Variants in PREPL observed in about 807,000 individuals in gnomAD.
PREPL encodes prolyl endopeptidase like.
A neutral mutation model predicts 70.6 loss-of-function variants in PREPL; 77 were observed. The observed-to-expected ratio is 1.09, with a 90% CI of 0.91 to 1.32. The LOEUF (loss-of-function observed/expected upper bound fraction) is 1.32. PREPL is among the 40% of genes most tolerant of loss of function. The pLI is 0.00. For missense variants in PREPL, 1,002 were observed against 778.2 expected, an observed-to-expected ratio of 1.29 and a Z score of -3.42; for synonymous variants, 315 against 264.8, an observed-to-expected ratio of 1.19 and a Z score of -1.84.
At chr2:44,360,720 T>G (rs1677653339) in intron 1 of PREPL, 1 of 152,200 alleles carries the variant, frequency 6.6e-6, no homozygotes, top group South Asian at 2.1e-4. Context: ...GGGTTGTTGT[T>G]GTAAAGACAA....
chr2:44,320,613 C>A lies in PREPL; in HGVS notation c.*743G>T, dbSNP rs756083951. On this transcript the variant is annotated 3_prime_UTR_variant, in exon 14 of 14. Coordinates refer to ENST00000409411, the MANE Select transcript of PREPL (RefSeq NM_001171613.2). ...CAATCGAGCATGCTATTCCAGTGTA[C>A]TGAACATACTGTATACCTCGTGTTA... 6.8e-6 allele frequency: 11 copies of A among 1,613,710 alleles called. No individual in the cohort carries two copies. Among genetic ancestry groups the A allele is most frequent in the Non-Finnish European group, 8.5e-6 (10 of 1,179,820 alleles).
intron 1 of PREPL, among the ~76,000 whole-genome samples, chr2:44,350,507 A>T (rs1460072829): frequency 6.7e-6 from 1 of 150,144 alleles, no homozygotes; most frequent in African/African-American, 2.5e-5. Context: ...CCTGAAATTA[A>T]TTCATATTAG....
At chr2:44,342,218 G>T (rs1008393082) in intron 5 of PREPL, among the ~76,000 whole-genome samples, 199 bp downstream of exon 5, 1 of 152,056 alleles carries the variant, frequency 6.6e-6, no homozygotes, top group East Asian at 1.9e-4. Context: ...AAATATTAGT[G>T]ATATATCTGT....
intron 1 of PREPL, among the ~76,000 whole-genome samples, chr2:44,349,829 T>C (rs888920066): frequency 2.6e-5 from 4 of 152,120 alleles, no homozygotes; most frequent in African/African-American, 9.7e-5. Context: ...CAATAAGCTT[T>C]ATGTGAATCT....
intron 8 of PREPL, among the ~76,000 whole-genome samples, chr2:44,331,419 T>C (rs923594947): frequency 6.6e-6 from 1 of 152,228 alleles, no homozygotes; most frequent in Non-Finnish European, 1.5e-5. Flanking sequence ...TTTCACCATA[T>C]TGGCCAGGCT....
Position 44,359,673 on chromosome 2 carries a change from T to C in PREPL, c.-49+1707A>G, listed in dbSNP as rs767151252. On this transcript the variant is annotated intron_variant, in intron 1 of 13. Coordinates refer to ENST00000409411, the MANE Select transcript of PREPL (RefSeq NM_001171613.2). ...ATGCATTTTCCAAGGTGAGGAATAC[T>C]ATACTTCAAAGCTTGGAGAAATAAT... is the stretch of plus-strand genomic sequence containing the variant. 4 of 1,613,202 alleles carry C rather than the reference T, an allele frequency of 2.5e-6. No homozygotes were observed. In the African/African-American group the frequency reaches 4.0e-5, roughly 16 times the overall value.
At position 44,339,210 on chromosome 2, in the gene PREPL, A is replaced by G. The variant is rs767656657; in HGVS notation, c.639T>C (p.Tyr213=). ...IQKRIHGVLY[Y]VEHRDDELYI... The stretch of plus-strand genomic sequence containing the variant: ...ATAATTCATCATCTCTGTGTTCAAC[A>G]TAGTAAAGGACCCCATGTATTCGCT... Residue 213 remains tyrosine (Y), a synonymous_variant, in exon 6 of 14, where the codon TAT becomes TAC. Transcript: ENST00000409411. 13 of 1,613,994 alleles carry G rather than the reference A, an allele frequency of 8.1e-6. No individual in the cohort carries two copies. The highest frequency in any genetic ancestry group is 3.3e-5 in the South Asian group (3 of 91,084).
chr2:44,332,072 A>G (rs1052596049), intron 8 of PREPL, among the ~76,000 whole-genome samples: 5 of 150,164 alleles, frequency 3.3e-5, no homozygotes, highest in East Asian at 2.0e-4. Flanking sequence ...TCAGCCTCCC[A>G]AGTAGCTGGG....
At chr2:44,338,046 C>T (rs573452458) in intron 7 of PREPL, among the ~76,000 whole-genome samples, 1 of 152,262 alleles carries the variant, frequency 6.6e-6, no homozygotes, top group South Asian at 2.1e-4. Context: ...TTTACTATAT[C>T]TCAAGTTGCA....
At chr2:44,358,964 G>C (rs927401137) in intron 1 of PREPL, among the ~76,000 whole-genome samples, 1 of 151,726 alleles carries the variant, frequency 6.6e-6, no homozygotes, top group African/African-American at 2.4e-5. Flanking sequence ...ATTATACTTT[G>C]AAATGCACTG....
At chr2:44,329,749 A>T (rs1226963044) in intron 8 of PREPL, among the ~76,000 whole-genome samples, 1 of 152,180 alleles carries the variant, frequency 6.6e-6, no homozygotes, top group Non-Finnish European at 1.5e-5. Flanking sequence ...TTGTAAGGTT[A>T]CTAAGTTACT....
At chr2:44,359,731 G>T (rs777848933) in intron 1 of PREPL, 3 of 1,549,674 alleles carry the variant, frequency 1.9e-6, no homozygotes, top group Non-Finnish European at 2.7e-6. Context: ...CAAAGTCCCT[G>T]GTTTATGCTC....
chr2:44,349,755 G>GA (rs540105595), intron 1 of PREPL, among the ~76,000 whole-genome samples: 1 of 151,788 alleles, frequency 6.6e-6, no homozygotes, highest in Non-Finnish European at 1.5e-5. Flanking sequence ...ACGAGGTCAA[G>GA]AAAAAAGAAT....
intron 8 of PREPL, 89 bp from the exon 9 acceptor site, chr2:44,329,201 C>T (rs1386494869): frequency 9.2e-7 from 1 of 1,086,898 alleles, no homozygotes; most frequent in Non-Finnish European, 1.3e-6. Context: ...GGTGCACTGT[C>T]CCCACTTGTG....
In PREPL at chr2:44,332,502, A is replaced by G. The variant is rs752948121; in HGVS notation, c.1043T>C (p.Ile348Thr). Reference protein sequence around the residue: ...LFEETGHEDPITKTSRVLRLE... With the variant: ...LFEETGHEDPTTKTSRVLRLE... ...ACGTAAAACGCGACTAGTCTTTGTG[A>G]TTGGGTCTTCATGCCCAGTTTCCTC... The change falls in exon 8 of 14, where the codon ATC becomes ACC. Residue 348 changes from isoleucine (I) to threonine (T), a missense_variant. Ile to Thr is a moderately conservative substitution (Grantham distance 89). Coordinates refer to ENST00000409411, the MANE Select transcript of PREPL (RefSeq NM_001171613.2). 2 of 1,614,140 alleles carry G rather than the reference A, an allele frequency of 1.2e-6. No homozygotes were observed. The highest frequency in any genetic ancestry group is 4.5e-5 in the East Asian group (2 of 44,872).
rs982720316 is a variant in PREPL at position 44,338,042 on chromosome 2, A to G, written c.888+309T>C. Among the ~76,000 whole-genome samples the G allele has an allele frequency of 3.3e-5, 5 of 152,206 alleles. 1 individual carries two copies. The highest frequency in any genetic ancestry group is 3.8e-4 in the East Asian group (2 of 5,204). ...ACCAACTTTGGCCTGAGTTTTTACTATATCTCAAGTTGCAGAGATATGTGA... is the reference window on the plus strand; with the variant it reads ...ACCAACTTTGGCCTGAGTTTTTACTGTATCTCAAGTTGCAGAGATATGTGA... On this transcript the variant is annotated intron_variant, in intron 7 of 13. Coordinates refer to ENST00000409411, the MANE Select transcript of PREPL (RefSeq NM_001171613.2).
chr2:44,338,530 T>A lies in PREPL; in HGVS notation c.709A>T (p.Arg237Ter). 6.2e-7 allele frequency: 1 copy of A among 1,603,568 alleles called. No homozygotes were observed. Among genetic ancestry groups the A allele is most frequent in the South Asian group, 1.1e-5 (1 of 89,170 alleles). The change falls in exon 7 of 14, where the codon AGA (arginine) becomes TGA (stop). Residue 237 changes from arginine (R) to a stop codon, truncating the protein, a stop_gained. Transcript: ENST00000409411. LOFTEE classifies it high-confidence loss of function. ...VGEPTEFKLM[R>*]TAADTPAIMN... Reference sequence around the variant, plus strand: ...ATTGCAGGGGTATCAGCCGCTGTTCTCATTAGCTACGTGGAACAAAGTTAG... The same window carrying A: ...ATTGCAGGGGTATCAGCCGCTGTTCACATTAGCTACGTGGAACAAAGTTAG...
chr2:44,324,489 C>CA (rs1448422133), intron 10 of PREPL, among the ~76,000 whole-genome samples: 5 of 151,954 alleles, frequency 3.3e-5, no homozygotes, highest in Admixed American at 2.6e-4. Flanking sequence ...ATATTAAAAG[C>CA]AAAAAACGCT....
At position 44,339,083 on chromosome 2, in the gene PREPL, G is replaced by C. The variant is rs1238448596; in HGVS notation, c.702+64C>G. 7 of 1,588,184 alleles carry C rather than the reference G, an allele frequency of 4.4e-6. No individual in the cohort carries two copies. In the Admixed American group the frequency reaches 1.2e-4, roughly 28 times the overall value. On this transcript the variant is annotated intron_variant, in intron 6 of 13. Coordinates refer to ENST00000409411, the MANE Select transcript of PREPL (RefSeq NM_001171613.2). Reference sequence around the variant, plus strand: ...ACAATGAGCTCTTGGAGCAAGAAATGTTGTTGATCGAAGTGTGACACTTCT... The same window carrying C: ...ACAATGAGCTCTTGGAGCAAGAAATCTTGTTGATCGAAGTGTGACACTTCT...
Sources: allele counts gnomAD v4.1 joint callset (sites outside exome capture counted in the v4.1 genomes callset), GRCh38; gene constraint gnomAD v4.1.1; transcripts MANE v1.5; gene names NCBI Gene and HGNC (gene_info 2026-07-23, HGNC 2026-07-21).